The following NELL2 variants were observed in gnomAD, a reference collection of about 807,000 sequenced individuals.
NELL2 encodes the protein neural EGFL like 2, also known as protein kinase C-binding protein NELL2.
Under a neutral mutation model 109.6 loss-of-function variants are expected in NELL2, and 41 were observed. The ratio of observed to expected loss-of-function variants is 0.37; its 90% CI spans 0.29 to 0.49. The LOEUF (loss-of-function observed/expected upper bound fraction) is 0.49, where lower values mean the gene tolerates loss of function less well. NELL2 is among the 20% of genes least tolerant of loss of function. NELL2 has a pLI of 0.98. For missense variants in NELL2, 900 were observed against 1,008.3 expected (o/e 0.89, Z 1.45); for synonymous variants, 355 against 344.7 (o/e 1.03, Z -0.33).
chr12:44,785,413 G>A (rs1400666099), intron 3 of NELL2, among the ~76,000 whole-genome samples: 2 of 152,262 alleles, frequency 1.3e-5, no homozygotes, highest in East Asian at 3.9e-4. Flanking sequence ...TCATGCTCAT[G>A]GATAGGAAGA....
Position 44,667,499 on chromosome 12 carries a change from G to T in NELL2, c.1319-1890C>A, listed in dbSNP as rs115275373. Among the ~76,000 whole-genome samples, 607 of 152,304 alleles carry T rather than the reference G, an allele frequency of 4.0e-3. 1 individual carries two copies. The highest frequency in any genetic ancestry group is 0.014 in the African/African-American group (580 of 41,554). On this transcript the variant is annotated intron_variant, in intron 12 of 19. Coordinates refer to ENST00000429094, the MANE Select transcript of NELL2 (RefSeq NM_001145108.2). ...ATTTACAAAAATGGATGGTGAGCCAGCCAGATTCGGCTCAGCTCACAGGTC... is the reference window on the plus strand; with the variant it reads ...ATTTACAAAAATGGATGGTGAGCCATCCAGATTCGGCTCAGCTCACAGGTC...
At chr12:44,527,255 T>TA (rs1239871310) in intron 16 of NELL2, among the ~76,000 whole-genome samples, 3 of 152,302 alleles carry the variant, frequency 2.0e-5, no homozygotes, top group Non-Finnish European at 2.9e-5. Context: ...TCACCAAACT[T>TA]AAAGATTGTC....
At chr12:44,670,608 G>GA (rs1013428552) in intron 12 of NELL2, among the ~76,000 whole-genome samples, 5 of 150,560 alleles carry the variant, frequency 3.3e-5, no homozygotes, top group African/African-American at 1.2e-4. Flanking sequence ...GAGAAGGGAC[G>GA]AAAAAAAATC....
intron 15 of NELL2, 99 bp from the exon 16 acceptor site, chr12:44,532,820 T>A (rs1942141715): frequency 5.7e-6 from 6 of 1,061,506 alleles, no homozygotes; most frequent in Non-Finnish European, 6.7e-6. Flanking sequence ...TGCCAGCAAA[T>A]CCTTGAAACT....
intron 15 of NELL2, among the ~76,000 whole-genome samples, chr12:44,585,778 G>A (rs886948436): frequency 1.3e-4 from 20 of 151,806 alleles, no homozygotes. Context: ...ATTTTTGGTG[G>A]TCATAATGGG....
chr12:44,615,974 C>T (rs776487899), intron 13 of NELL2, among the ~76,000 whole-genome samples: 1 of 152,102 alleles, frequency 6.6e-6, no homozygotes, highest in African/African-American at 2.4e-5. Context: ...ACCAATTGCC[C>T]GCACTTAAAA....
chr12:44,753,795 T>C (rs1048527513), intron 9 of NELL2, among the ~76,000 whole-genome samples: 8 of 152,362 alleles, frequency 5.3e-5, no homozygotes, highest in Admixed American at 3.9e-4. Flanking sequence ...CAGTTTTCTA[T>C]TGCTGGTTTA....
chr12:44,832,881 A>C (rs1832596871), intron 2 of NELL2, among the ~76,000 whole-genome samples: 2 of 152,216 alleles, frequency 1.3e-5, no homozygotes, highest in Admixed American at 1.3e-4. Flanking sequence ...TCTAAGATTA[A>C]CATCTCCCTA....
At chr12:44,830,021 T>C (rs1330703565) in intron 2 of NELL2, among the ~76,000 whole-genome samples, 1 of 152,222 alleles carries the variant, frequency 6.6e-6, no homozygotes, top group Non-Finnish European at 1.5e-5. Flanking sequence ...CACGTATGTG[T>C]TACTGTTTTG....
chr12:44,676,015 C>T lies in NELL2; in HGVS notation c.1319-10406G>A, dbSNP rs370642885. On this transcript the variant is annotated intron_variant, in intron 12 of 19. Coordinates refer to ENST00000429094, the MANE Select transcript of NELL2 (RefSeq NM_001145108.2). The stretch of plus-strand genomic sequence containing the variant: ...TTTAAAGTATAGTGTATTTCCAAAG[C>T]TACATTTATCTTGATTATATCCTGT... Among the ~76,000 whole-genome samples, 5 of 152,206 alleles carry T rather than the reference C, an allele frequency of 3.3e-5. No homozygotes were observed. In the South Asian group the frequency reaches 1.0e-3, roughly 32 times the overall value.
chr12:44,573,608 C>T (rs1355129402), intron 15 of NELL2, among the ~76,000 whole-genome samples: 2 of 152,056 alleles, frequency 1.3e-5, no homozygotes, highest in Non-Finnish European at 2.9e-5. Flanking sequence ...CAGCAAAGAA[C>T]AGAATATATT....
intron 5 of NELL2, among the ~76,000 whole-genome samples, chr12:44,778,057 C>T (rs1385452482): frequency 1.3e-5 from 2 of 152,110 alleles, no homozygotes; most frequent in Admixed American, 1.3e-4. Context: ...TCAGACACAT[C>T]CAGCTGTCTC....
intron 15 of NELL2, among the ~76,000 whole-genome samples, chr12:44,539,383 G>C (rs1942440442): frequency 1.3e-5 from 2 of 151,968 alleles, no homozygotes; most frequent in Non-Finnish European, 2.9e-5. Flanking sequence ...ATTGGCGGGG[G>C]GGATGCCTTC....
In NELL2 at chr12:44,759,613, C is replaced by T. The variant is rs11182645; in HGVS notation, c.994+15134G>A. 5.5e-3 allele frequency among the ~76,000 whole-genome samples: 842 copies of T among 152,294 alleles called. 11 individuals are homozygous for T. Among genetic ancestry groups the T allele is most frequent in the East Asian group, 0.032 (167 of 5,180 alleles). On this transcript the variant is annotated intron_variant, in intron 9 of 19. Transcript: ENST00000429094. ...AGCTGAATTCAGTCTAAATTTCTAA[C>T]CTGCCAAACTATTTCTTAAGCTATT...
At chr12:44,844,867 TTTCACTG>T (rs1465233837) in intron 2 of NELL2, among the ~76,000 whole-genome samples, 1 of 152,176 alleles carries the variant, frequency 6.6e-6, no homozygotes, top group African/African-American at 2.4e-5. Flanking sequence ...TGGAAGAGTT[TTTCACTG>T]TGCACAATTA....
chr12:44,787,541 TC>T (rs1942223313), intron 3 of NELL2, among the ~76,000 whole-genome samples: 1 of 152,142 alleles, frequency 6.6e-6, no homozygotes, highest in Non-Finnish European at 1.5e-5. Context: ...AAAGAATCAA[TC>T]TACCCAATTC....
At chr12:44,587,629 T>C (rs1325667179) in intron 15 of NELL2, among the ~76,000 whole-genome samples, 1 of 152,078 alleles carries the variant, frequency 6.6e-6, no homozygotes, top group African/African-American at 2.4e-5. Context: ...CAAGTATGGA[T>C]AGATAGCCGA....
chr12:44,868,583 G>C (rs1340966124), intron 2 of NELL2, among the ~76,000 whole-genome samples: 8 of 152,156 alleles, frequency 5.3e-5, no homozygotes. Context: ...CCTGTTATTT[G>C]AGACAACGTG....
chr12:44,859,860 G>A (rs1944787383), intron 2 of NELL2, among the ~76,000 whole-genome samples: 1 of 152,194 alleles, frequency 6.6e-6, no homozygotes. Flanking sequence ...AATCAAGGCA[G>A]TGTTCCTCTG....
Sources: gnomAD v4.1 joint callset for allele counts (sites outside exome capture counted in the v4.1 genomes callset) on GRCh38, gnomAD v4.1.1 for gene constraint, MANE v1.5 for transcripts, NCBI Gene and HGNC (gene_info 2026-07-23, HGNC 2026-07-21) for gene names.